The following CDH4 variants were observed in gnomAD, a reference collection of about 807,000 sequenced individuals.
CDH4 encodes the protein cadherin 4, also known as cadherin-4.
A neutral mutation model predicts 86.0 loss-of-function variants in CDH4; 33 were observed. The observed-to-expected ratio is 0.38, with a 90% CI of 0.29 to 0.51. CDH4 has a LOEUF of 0.51. Ranked by LOEUF, CDH4 falls within the 20% of genes least tolerant of loss-of-function variation. The pLI, the probability that CDH4 is intolerant of heterozygous loss-of-function variation, is 0.86. For synonymous variants in CDH4, 555 were observed against 549.4 expected (o/e 1.01, Z -0.14); for missense variants, 1,114 against 1,307.4 (o/e 0.85, Z 2.28).
chr20:61,312,249 T>A (rs987980469), intron 2 of CDH4, among the ~76,000 whole-genome samples: 2 of 150,768 alleles, frequency 1.3e-5, no homozygotes, highest in African/African-American at 4.9e-5. Flanking sequence ...GTGTGGTGTG[T>A]GTGTATATGT....
At chr20:61,888,240 C>A (rs1274999668) in intron 7 of CDH4, among the ~76,000 whole-genome samples, 1 of 152,162 alleles carries the variant, frequency 6.6e-6, no homozygotes, top group Non-Finnish European at 1.5e-5. Context: ...GGATCCCGGC[C>A]CCTCACCAAG....
At chr20:61,291,120 G>A (rs1053392958) in intron 2 of CDH4, among the ~76,000 whole-genome samples, 2 of 152,158 alleles carry the variant, frequency 1.3e-5, no homozygotes, top group African/African-American at 4.8e-5. Context: ...GTCCCTGCGA[G>A]TGAGAACCTC....
chr20:61,612,850 C>T (rs1243227839), intron 2 of CDH4, among the ~76,000 whole-genome samples: 1 of 152,106 alleles, frequency 6.6e-6, no homozygotes, highest in Non-Finnish European at 1.5e-5. Context: ...GATTGCACAC[C>T]TCTGCATTCT....
At chr20:61,772,914 C>T (rs2088791733) in intron 3 of CDH4, 89 bp from the exon 4 acceptor site, 3 of 1,184,298 alleles carry the variant, frequency 2.5e-6, no homozygotes, top group Non-Finnish European at 1.2e-6. Flanking sequence ...CAGTCTCGGG[C>T]AGTACAGATC....
intron 2 of CDH4, among the ~76,000 whole-genome samples, chr20:61,271,757 A>T (rs2084184626): frequency 6.6e-6 from 1 of 152,156 alleles, no homozygotes; most frequent in Non-Finnish European, 1.5e-5. Flanking sequence ...CCCTCACGAG[A>T]TGGTTCTGTC....
At chr20:61,747,001 G>A (rs1399094554) in intron 3 of CDH4, among the ~76,000 whole-genome samples, 1 of 152,222 alleles carries the variant, frequency 6.6e-6, no homozygotes, top group Non-Finnish European at 1.5e-5. Context: ...AAGCAACTGT[G>A]CATCTCCCCC....
rs549037504 is a variant in CDH4, at chr20:61,709,674, G to A, written c.170-33889G>A. Among the ~76,000 whole-genome samples the A allele has an allele frequency of 6.6e-6, 1 of 152,040 alleles. No individual in the cohort carries two copies. Among genetic ancestry groups the A allele is most frequent in the Admixed American group, 6.6e-5 (1 of 15,256 alleles). ...GTAGCATGGTTTCCAGAGTAAAGGA[G>A]GGCAAATGGCACCCATAAATGGAAG... On this transcript the variant is annotated intron_variant, in intron 2 of 15. Transcript: ENST00000614565. The surrounding 1 kb of genome is among the most constrained non-coding windows in gnomAD (Gnocchi z 4.8).
Position 61,703,182 on chromosome 20 carries a change from G to A in CDH4, c.170-40381G>A, listed in dbSNP as rs1278200222. Among the ~76,000 whole-genome samples, 1 of 152,200 alleles carries A rather than the reference G, an allele frequency of 6.6e-6. No homozygotes were observed. Among genetic ancestry groups the A allele is most frequent in the Non-Finnish European group, 1.5e-5 (1 of 68,040 alleles). The stretch of plus-strand genomic sequence containing the variant: ...ATCAGAAGTGGGGGCTCTTGGACGA[G>A]CTCAGAACACACAGGCCTTGGGTTG... On this transcript the variant is annotated intron_variant, in intron 2 of 15. Transcript: ENST00000614565. This position sits in a 1 kb window ranked among gnomAD's most constrained non-coding sequence, Gnocchi z 4.3.
intron 10 of CDH4, 118 bp downstream of exon 10, chr20:61,923,822 G>T (rs2055013313): frequency 2.3e-6 from 3 of 1,314,540 alleles, no homozygotes; most frequent in Non-Finnish European, 2.1e-6. Context: ...GTGGTCGGGG[G>T]CATCTCCAAC....
intron 3 of CDH4, among the ~76,000 whole-genome samples, chr20:61,767,153 G>T (rs1342851417): frequency 6.6e-6 from 1 of 152,146 alleles, no homozygotes; most frequent in African/African-American, 2.4e-5. Flanking sequence ...ACTCAGGAAG[G>T]TGTCCCTGAG....
At chr20:61,340,650 T>A (rs1037350038) in intron 2 of CDH4, among the ~76,000 whole-genome samples, 1 of 151,714 alleles carries the variant, frequency 6.6e-6, no homozygotes, top group African/African-American at 2.4e-5. Context: ...AGTGGCATGA[T>A]CACGGCTCAC....
In CDH4 at chr20:61,497,376, CCT is replaced by C. The variant is rs1301351144; in HGVS notation, c.169+242444_169+242445del. On this transcript the variant is annotated intron_variant, in intron 2 of 15. Coordinates refer to ENST00000614565, the MANE Select transcript of CDH4 (RefSeq NM_001794.5). ...TTTAGCTATAGGATTTTTAGCTCTACCTCTCTGCACTATGTTTCAGGGGTTGC... is the reference window on the plus strand; with the variant it reads ...TTTAGCTATAGGATTTTTAGCTCTACCTCTGCACTATGTTTCAGGGGTTGC... Among the ~76,000 whole-genome samples the C allele has an allele frequency of 1.3e-4, 20 of 152,242 alleles. No homozygotes were observed. The South Asian group carries it at 3.5e-3, about 27-fold the overall frequency.
At chr20:61,569,789 G>A (rs1374497997) in intron 2 of CDH4, among the ~76,000 whole-genome samples, 1 of 152,126 alleles carries the variant, frequency 6.6e-6, no homozygotes, top group Admixed American at 6.5e-5. Flanking sequence ...AGATTCCTGG[G>A]CCTTTCTTTG....
intron 2 of CDH4, among the ~76,000 whole-genome samples, chr20:61,386,666 C>T (rs2084952799): frequency 6.6e-6 from 1 of 152,156 alleles, no homozygotes; most frequent in Non-Finnish European, 1.5e-5. Context: ...GTTATGTTCC[C>T]CTGGGGGTGA....
intron 2 of CDH4, among the ~76,000 whole-genome samples, chr20:61,444,450 T>C (rs1022436691): frequency 9.2e-5 from 14 of 152,168 alleles, no homozygotes; most frequent in African/African-American, 3.4e-4. Context: ...TTTCTTTGTG[T>C]GTGTATTTGT....
chr20:61,594,386 C>T (rs1471754709), intron 2 of CDH4, among the ~76,000 whole-genome samples: 3 of 152,082 alleles, frequency 2.0e-5, no homozygotes, highest in East Asian at 1.9e-4. Flanking sequence ...GACAGTGTGC[C>T]GCTCATTGGG....
intron 4 of CDH4, among the ~76,000 whole-genome samples, chr20:61,838,247 A>T (rs1417751907): frequency 6.6e-6 from 1 of 152,044 alleles, no homozygotes; most frequent in Non-Finnish European, 1.5e-5. Context: ...CCAACAGGCC[A>T]TCCCTGGGGA....
intron 2 of CDH4, among the ~76,000 whole-genome samples, chr20:61,629,265 C>T (rs1437888078): frequency 6.6e-6 from 1 of 152,150 alleles, no homozygotes; most frequent in Non-Finnish European, 1.5e-5. Context: ...CCAGCCCAGC[C>T]CCCCAGCCGG....
intron 2 of CDH4, among the ~76,000 whole-genome samples, chr20:61,647,667 G>T (rs1483138622): frequency 6.6e-6 from 1 of 151,350 alleles, no homozygotes; most frequent in Non-Finnish European, 1.5e-5. Context: ...CCCCATCTGG[G>T]AGGCTACTGC....
Sources: allele counts gnomAD v4.1 joint callset (sites outside exome capture counted in the v4.1 genomes callset), GRCh38; gene constraint gnomAD v4.1.1; non-coding constraint Gnocchi (gnomAD v3.1); transcripts MANE v1.5; gene names NCBI Gene and HGNC (gene_info 2026-07-23, HGNC 2026-07-21).